The following DLG2 variants were observed in gnomAD, a reference collection of about 807,000 sequenced individuals.
DLG2 encodes disks large homolog 2.
Under a neutral mutation model 132.5 loss-of-function variants are expected in DLG2, and 45 were observed. The ratio of observed to expected loss-of-function variants is 0.34; its 90% CI spans 0.27 to 0.44. The LOEUF (loss-of-function observed/expected upper bound fraction) is 0.44. Among genes scored for constraint, DLG2 ranks in the 20% least tolerant of loss-of-function variants. The pLI, the probability that DLG2 is intolerant of heterozygous loss-of-function variation, is 1.00. For synonymous variants in DLG2, 424 were observed against 419.6 expected (o/e 1.01, Z -0.13); for missense variants, 1,045 against 1,196.9 (o/e 0.87, Z 1.87).
chr11:84,969,043 A>G (rs898910793), intron 6 of DLG2, among the ~76,000 whole-genome samples: 1 of 152,102 alleles, frequency 6.6e-6, no homozygotes, highest in Non-Finnish European at 1.5e-5. Context: ...CTAGAAATCA[A>G]AAACTCAAAG....
intron 6 of DLG2, among the ~76,000 whole-genome samples, chr11:84,958,764 C>T (rs79538750): frequency 0.014 from 2,110 of 152,228 alleles, 49 homozygotes; most frequent in African/African-American, 0.047. Context: ...ATTTCAGTGG[C>T]CAATATTTAG....
chr11:84,793,181 C>G (rs910502303), intron 6 of DLG2, among the ~76,000 whole-genome samples: 1 of 152,154 alleles, frequency 6.6e-6, no homozygotes, highest in Non-Finnish European at 1.5e-5. Flanking sequence ...ACTGATCATT[C>G]AGAAGCACAT....
intron 3 of DLG2, among the ~76,000 whole-genome samples, chr11:85,318,100 C>CA (rs911571777): frequency 6.6e-5 from 10 of 150,680 alleles, no homozygotes; most frequent in South Asian, 2.1e-4. Flanking sequence ...TATCCAAAGT[C>CA]AAAAAAAAGT....
rs554106467 is a variant in DLG2 at position 84,624,672 on chromosome 11, C to T, written c.358-89941G>A. ...AGGGACTAAAGATTTACTCATCAAG[C>T]TCTTCCCCATGACATTCCTCCTTTT... On this transcript the variant is annotated intron_variant, in intron 6 of 27. Transcript: ENST00000376104. Among the ~76,000 whole-genome samples the T allele has an allele frequency of 2.6e-5, 4 of 151,624 alleles. No individual in the cohort carries two copies. The East Asian group carries it at 7.8e-4, about 29-fold the overall frequency.
intron 9 of DLG2, among the ~76,000 whole-genome samples, chr11:84,128,457 T>C (rs1262600694): frequency 6.6e-6 from 1 of 152,154 alleles, no homozygotes; most frequent in Non-Finnish European, 1.5e-5. Context: ...ATATTTAGTA[T>C]TACCTACAGA....
At chr11:85,464,829 C>A (rs995868618) in intron 3 of DLG2, among the ~76,000 whole-genome samples, 2 of 151,668 alleles carry the variant, frequency 1.3e-5, no homozygotes, top group Non-Finnish European at 2.9e-5. Flanking sequence ...AATTCCAGCA[C>A]TTTGGGAGGC....
At chr11:85,269,342 T>C (rs951332785) in intron 4 of DLG2, among the ~76,000 whole-genome samples, 9 of 152,212 alleles carry the variant, frequency 5.9e-5, no homozygotes, top group African/African-American at 2.2e-4. Context: ...AGATTCCAAA[T>C]TAGATTGGAT....
At chr11:84,682,048 C>T (rs1045453625) in intron 6 of DLG2, among the ~76,000 whole-genome samples, 1 of 152,030 alleles carries the variant, frequency 6.6e-6, no homozygotes, top group South Asian at 2.1e-4. Context: ...TTTTTAACAA[C>T]CAGTTCTTAT....
intron 19 of DLG2, among the ~76,000 whole-genome samples, chr11:83,560,037 A>G (rs963856907): frequency 2.6e-5 from 4 of 151,978 alleles, no homozygotes; most frequent in African/African-American, 9.6e-5. Flanking sequence ...AAACTTAATC[A>G]TTACTGATAC....
intron 3 of DLG2, among the ~76,000 whole-genome samples, chr11:85,504,803 C>T (rs1305238229): frequency 6.6e-6 from 1 of 152,168 alleles, no homozygotes; most frequent in Non-Finnish European, 1.5e-5. Flanking sequence ...TTACCTTGGA[C>T]AGTATGGCCA....
chr11:85,417,045 C>A (rs1328375845), intron 3 of DLG2, among the ~76,000 whole-genome samples: 1 of 152,052 alleles, frequency 6.6e-6, no homozygotes, highest in Non-Finnish European at 1.5e-5. Context: ...ATGCTTCTAG[C>A]TTTTGGCCAT....
intron 6 of DLG2, among the ~76,000 whole-genome samples, chr11:84,618,756 C>T (rs879845851): frequency 1.1e-4 from 17 of 152,022 alleles, no homozygotes; most frequent in Non-Finnish European, 2.1e-4. Context: ...ATGAGACCAC[C>T]ATCAAGGAGA....
chr11:85,081,219 C>A (rs2154171752), intron 6 of DLG2, among the ~76,000 whole-genome samples: 1 of 152,244 alleles, frequency 6.6e-6, no homozygotes, highest in South Asian at 2.1e-4. Flanking sequence ...CTGAAAAGAG[C>A]AATTGAGTTA....
intron 4 of DLG2, among the ~76,000 whole-genome samples, chr11:85,224,672 CT>C (rs1251246653): frequency 6.6e-6 from 1 of 152,016 alleles, no homozygotes; most frequent in Admixed American, 6.6e-5. Context: ...TTTTCATCTT[CT>C]TTTTTTGTAT....
intron 3 of DLG2, among the ~76,000 whole-genome samples, chr11:85,517,158 T>C (rs1247506388): frequency 6.6e-6 from 1 of 151,816 alleles, no homozygotes; most frequent in East Asian, 1.9e-4. Flanking sequence ...CATATAAAGA[T>C]AATTAAAATC....
At chr11:84,617,960 G>A (rs907168109) in intron 6 of DLG2, among the ~76,000 whole-genome samples, 15 of 152,014 alleles carry the variant, frequency 9.9e-5, no homozygotes, top group Non-Finnish European at 4.4e-5. Context: ...GGTATGTGTA[G>A]GTAGTTATGG....
chr11:85,344,830 GT>G (rs938181691), intron 3 of DLG2, among the ~76,000 whole-genome samples: 2 of 150,082 alleles, frequency 1.3e-5, no homozygotes, highest in African/African-American at 2.5e-5. Flanking sequence ...GCTTACTCTT[GT>G]TTTTTTTCAA....
chr11:84,168,185 C>G (rs1262835796), intron 8 of DLG2, among the ~76,000 whole-genome samples: 1 of 152,134 alleles, frequency 6.6e-6, no homozygotes, highest in Non-Finnish European at 1.5e-5. Context: ...GGCACCGAAA[C>G]ACAAATATAT....
intron 3 of DLG2, among the ~76,000 whole-genome samples, chr11:85,292,734 G>A (rs1287019361): frequency 7.8e-6 from 1 of 127,492 alleles, no homozygotes; most frequent in African/African-American, 3.0e-5. Context: ...AGGGAGGAGG[G>A]GAGGGAAGGA....
Sources: gnomAD v4.1 joint callset for allele counts (sites outside exome capture counted in the v4.1 genomes callset) on GRCh38, gnomAD v4.1.1 for gene constraint, MANE v1.5 for transcripts, NCBI Gene and HGNC (gene_info 2026-07-23, HGNC 2026-07-21) for gene names.